The following CENPC variants were observed in gnomAD, a reference collection of about 807,000 sequenced individuals.
CENPC encodes CENP-C 1.
A neutral mutation model predicts 112.1 loss-of-function variants in CENPC; 63 were observed. The observed-to-expected ratio is 0.56, with a 90% confidence interval of 0.46 to 0.69. The LOEUF (loss-of-function observed/expected upper bound fraction) is 0.69. Among genes scored for constraint, CENPC ranks in the 30% least tolerant of loss-of-function variants. The pLI is 0.00. For missense variants in CENPC, 1,000 were observed against 1,103.8 expected, an observed-to-expected ratio of 0.91 and a Z score of 1.33; for synonymous variants, 333 against 367.6, an observed-to-expected ratio of 0.91 and a Z score of 1.08.
intron 17 of CENPC, among the ~76,000 whole-genome samples, chr4:67,487,771 C>T (rs1455827430): frequency 6.6e-6 from 1 of 151,514 alleles, no homozygotes; most frequent in Middle Eastern, 3.2e-3. Flanking sequence ...AGTTCTACAA[C>T]CAGCTCTCAT....
At chr4:67,479,011 A>G (rs1022765146) in intron 17 of CENPC, among the ~76,000 whole-genome samples, 3 of 152,230 alleles carry the variant, frequency 2.0e-5, no homozygotes, top group African/African-American at 7.2e-5. Flanking sequence ...CTAGTCCAAC[A>G]GGAAAATATC....
intron 3 of CENPC, 29 bp from the exon 4 acceptor site, chr4:67,539,963 A>C: frequency 8.1e-7 from 1 of 1,239,524 alleles, no homozygotes; most frequent in Non-Finnish European, 1.1e-6. Context: ...ATTTTCAAAA[A>C]CAAGATATAG....
intron 5 of CENPC, among the ~76,000 whole-genome samples, chr4:67,529,128 G>C (rs775554650): frequency 6.6e-6 from 1 of 152,104 alleles, no homozygotes; most frequent in Admixed American, 6.6e-5. Flanking sequence ...TTGGAGAAAA[G>C]TCTATACACA....
intron 12 of CENPC, among the ~76,000 whole-genome samples, chr4:67,502,884 A>T (rs1158276174): frequency 6.6e-6 from 1 of 152,044 alleles, no homozygotes; most frequent in Non-Finnish European, 1.5e-5. Flanking sequence ...CCTCAAAAAT[A>T]CCTAAAAATC....
chr4:67,535,177 A>T (rs1330519197), intron 4 of CENPC, among the ~76,000 whole-genome samples: 1 of 152,054 alleles, frequency 6.6e-6, no homozygotes, highest in Non-Finnish European at 1.5e-5. Flanking sequence ...TTAAAGGAAA[A>T]TAATTTCTAA....
chr4:67,497,076 A>G (rs544584778), intron 12 of CENPC, among the ~76,000 whole-genome samples: 7 of 152,238 alleles, frequency 4.6e-5, no homozygotes, highest in Non-Finnish European at 5.9e-5. Flanking sequence ...CTATTTGAGA[A>G]GAACTTGTAA....
chr4:67,487,453 C>A (rs546861579), intron 17 of CENPC, among the ~76,000 whole-genome samples: 32 of 151,758 alleles, frequency 2.1e-4, no homozygotes, highest in African/African-American at 4.4e-4. Context: ...CAAGTTGGAA[C>A]CTGAAACATG....
intron 8 of CENPC, 29 bp downstream of exon 8, chr4:67,514,045 T>C: frequency 6.6e-7 from 1 of 1,524,778 alleles, no homozygotes; most frequent in Non-Finnish European, 8.7e-7. Context: ...AGAATAATGC[T>C]CATGGTTATA....
At chr4:67,491,706 C>T (rs1327679989) in intron 16 of CENPC, among the ~76,000 whole-genome samples, 1 of 151,812 alleles carries the variant, frequency 6.6e-6, no homozygotes, top group Non-Finnish European at 1.5e-5. Context: ...TGATTGATGC[C>T]CTTGCTAGTC....
chr4:67,507,083 G>A, intron 10 of CENPC, 149 bp from the exon 11 acceptor site: 1 of 550,120 alleles, frequency 1.8e-6, no homozygotes, highest in East Asian at 3.2e-5. Context: ...CTTGCAACTA[G>A]CTAAGGAAGG....
At chr4:67,528,184 T>A (rs1371243351) in intron 5 of CENPC, among the ~76,000 whole-genome samples, 4 of 152,144 alleles carry the variant, frequency 2.6e-5, no homozygotes, top group Non-Finnish European at 4.4e-5. Context: ...ATTAGCCTCA[T>A]AATTTAAAAA....
chr4:67,499,119 T>C (rs957424849), intron 12 of CENPC, among the ~76,000 whole-genome samples: 10 of 152,190 alleles, frequency 6.6e-5, no homozygotes, highest in African/African-American at 2.2e-4. Context: ...CCAGGCTTTG[T>C]TGTTCTACTA....
intron 2 of CENPC, 120 bp downstream of exon 2, chr4:67,544,029 T>C (rs1726959092): frequency 1.5e-6 from 1 of 648,826 alleles, no homozygotes; most frequent in Non-Finnish European, 2.8e-6. Flanking sequence ...TGACTACCCT[T>C]AATCAGTGGG....
chr4:67,494,886 C>G (rs1464533184), intron 13 of CENPC, among the ~76,000 whole-genome samples: 2 of 152,116 alleles, frequency 1.3e-5, no homozygotes, highest in Non-Finnish European at 2.9e-5. Flanking sequence ...AATTCTCCAC[C>G]CTAGCTTCAT....
intron 5 of CENPC, among the ~76,000 whole-genome samples, chr4:67,519,866 C>G (rs1462773420): frequency 6.6e-6 from 1 of 152,116 alleles, no homozygotes; most frequent in African/African-American, 2.4e-5. Context: ...TCCATATTCT[C>G]TTAACCCTCA....
chr4:67,513,203 C>A (rs2632454), intron 8 of CENPC, among the ~76,000 whole-genome samples: 3 of 151,392 alleles, frequency 2.0e-5, no homozygotes, highest in Non-Finnish European at 1.5e-5. Flanking sequence ...CCAGAGCTAC[C>A]AGAAAGAAAG....
chr4:67,528,838 G>A (rs1726459846), intron 5 of CENPC, among the ~76,000 whole-genome samples: 1 of 152,074 alleles, frequency 6.6e-6, no homozygotes, highest in Admixed American at 6.5e-5. Flanking sequence ...ATATACCTAG[G>A]AGGGAAGTAT....
chr4:67,513,924 T>C (rs573163349), intron 8 of CENPC, 150 bp downstream of exon 8: 6 of 583,620 alleles, frequency 1.0e-5, no homozygotes, highest in Non-Finnish European at 1.6e-5. Flanking sequence ...ATATATAAAA[T>C]AAAAAGGTTC....
chr4:67,478,764 A>G (rs2109761842), intron 17 of CENPC, among the ~76,000 whole-genome samples: 1 of 152,234 alleles, frequency 6.6e-6, no homozygotes, highest in South Asian at 2.1e-4. Context: ...CTCCACTTAA[A>G]AGATACAGAA....
Sources: gnomAD v4.1 joint callset for allele counts (sites outside exome capture counted in the v4.1 genomes callset) on GRCh38, gnomAD v4.1.1 for gene constraint, MANE v1.5 for transcripts, NCBI Gene and HGNC (gene_info 2026-07-23, HGNC 2026-07-21) for gene names.